The following LRMDA variants were observed in gnomAD, a reference collection of about 807,000 sequenced individuals.
LRMDA encodes leucine-rich melanocyte differentiation-associated protein.
A neutral mutation model predicts 29.8 loss-of-function variants in LRMDA; 18 were observed. That is an observed-to-expected ratio of 0.60 (90% CI 0.42 to 0.90). LRMDA has a LOEUF of 0.90. Ranked by LOEUF, LRMDA falls within the 40% of genes least tolerant of loss-of-function variation. LRMDA has a pLI of 0.00. For missense variants in LRMDA, 273 were observed against 273.9 expected, an observed-to-expected ratio of 1.00 and a Z score of 0.02; for synonymous variants, 125 against 109.4, an observed-to-expected ratio of 1.14 and a Z score of -0.89.
chr10:76,279,366 T>TATC lies in LRMDA; in HGVS notation c.517-45020_517-45018dup, dbSNP rs148532745. On this transcript the variant is annotated intron_variant, in intron 5 of 6. Coordinates refer to ENST00000611255, the MANE Select transcript of LRMDA (RefSeq NM_001305581.2). Reference sequence around the variant, plus strand: ...TAATACAGGCAAAAATGTTATCTGTTATCATCATCATCATCATTATTCTTT... The same window carrying TATC: ...TAATACAGGCAAAAATGTTATCTGTTATCATCATCATCATCATCATTATTCTTT... Among the ~76,000 whole-genome samples the TATC allele has an allele frequency of 3.3e-3, 496 of 152,204 alleles. 23 individuals carry two copies. The East Asian group carries it at 0.077, about 23-fold the overall frequency.
At position 76,505,620 on chromosome 10, in the gene LRMDA, G is replaced by T. The variant is rs192418836; in HGVS notation, c.602-51589G>T. 1.2e-3 allele frequency among the ~76,000 whole-genome samples: 182 copies of T among 152,038 alleles called. 1 individual carries two copies. In the South Asian group the frequency reaches 0.015, roughly 13 times the overall value. On this transcript the variant is annotated intron_variant, in intron 6 of 6. Transcript: ENST00000611255. ...TTTTCAATTCCAGAAGTTCAGTTTG[G>T]TTCTTTTTTGAAATGGCTATTTTGT...
At chr10:76,006,267 G>T (rs1427192336) in intron 2 of LRMDA, among the ~76,000 whole-genome samples, 1 of 152,126 alleles carries the variant, frequency 6.6e-6, no homozygotes. Flanking sequence ...CCTGTGCGGC[G>T]GCTGAGGGTG....
chr10:75,633,099 A>T (rs989603563), intron 2 of LRMDA, among the ~76,000 whole-genome samples: 1 of 152,090 alleles, frequency 6.6e-6, no homozygotes. Flanking sequence ...GAGTATTTAC[A>T]TATAGTCTGG....
At chr10:76,198,093 G>A (rs534089014) in intron 5 of LRMDA, among the ~76,000 whole-genome samples, 1 of 152,186 alleles carries the variant, frequency 6.6e-6, no homozygotes, top group South Asian at 2.1e-4. Context: ...GCTTTTCCAG[G>A]CCCTCTGTCA....
chr10:75,498,765 G>GC (rs1019270331), intron 2 of LRMDA, among the ~76,000 whole-genome samples: 16 of 152,130 alleles, frequency 1.1e-4, no homozygotes, highest in African/African-American at 3.6e-4. Context: ...AGAGGAATTA[G>GC]CACAGGGTGA....
At chr10:75,470,596 T>C (rs1280381896) in intron 2 of LRMDA, among the ~76,000 whole-genome samples, 1 of 152,208 alleles carries the variant, frequency 6.6e-6, no homozygotes. Flanking sequence ...AGATGTGGGC[T>C]GGGCCAGTGG....
chr10:76,324,628 C>A, intron 6 of LRMDA, 143 bp downstream of exon 6: 1 of 678,314 alleles, frequency 1.5e-6, no homozygotes, highest in Non-Finnish European at 2.5e-6. Flanking sequence ...CCATACCTGT[C>A]ACACGTAGTG....
Position 75,537,871 on chromosome 10 carries a change from CTATAG to C in LRMDA, c.131+99378_131+99382del, listed in dbSNP as rs1447686986. 2.6e-5 allele frequency among the ~76,000 whole-genome samples: 4 copies of C among 152,234 alleles called. No homozygotes were observed. The East Asian group carries it at 7.7e-4, about 29-fold the overall frequency. The stretch of plus-strand genomic sequence containing the variant: ...TTTGTGCTTGTCCTGTGTGTCCCCT[CTATAG>C]GATGCTCTTTCTGTCCTCCATCAAG... On this transcript the variant is annotated intron_variant, in intron 2 of 6. Transcript: ENST00000611255.
intron 2 of LRMDA, among the ~76,000 whole-genome samples, chr10:75,752,474 T>C (rs2132220831): frequency 6.6e-6 from 1 of 152,338 alleles, no homozygotes; most frequent in South Asian, 2.1e-4. Context: ...GATCCCAAAG[T>C]GCTGGGATTA....
At chr10:76,334,823 C>T (rs10762714) in intron 6 of LRMDA, among the ~76,000 whole-genome samples, 15,684 of 152,092 alleles carry the variant, frequency 0.1, 970 homozygotes, top group East Asian at 0.31. Flanking sequence ...TCATGAGAGC[C>T]GTAACATGTG....
At chr10:75,857,938 T>C (rs550551205) in intron 2 of LRMDA, among the ~76,000 whole-genome samples, 1 of 152,356 alleles carries the variant, frequency 6.6e-6, no homozygotes, top group African/African-American at 2.4e-5. Context: ...TTTAAGCAAG[T>C]TGTGTAGTTT....
At chr10:75,789,619 A>T (rs989044198) in intron 2 of LRMDA, among the ~76,000 whole-genome samples, 1 of 152,226 alleles carries the variant, frequency 6.6e-6, no homozygotes, top group African/African-American at 2.4e-5. Context: ...ATGACAATTC[A>T]GTTATGTTTC....
At chr10:76,279,814 A>C (rs1840180853) in intron 5 of LRMDA, among the ~76,000 whole-genome samples, 1 of 152,124 alleles carries the variant, frequency 6.6e-6, no homozygotes, top group Non-Finnish European at 1.5e-5. Context: ...TTGTTTTAAA[A>C]TGTTACATGT....
intron 5 of LRMDA, among the ~76,000 whole-genome samples, chr10:76,156,058 C>T (rs1850531665): frequency 6.6e-6 from 1 of 152,104 alleles, no homozygotes; most frequent in Non-Finnish European, 1.5e-5. Context: ...TCACTTTCTC[C>T]ATCTGTGCTG....
intron 2 of LRMDA, among the ~76,000 whole-genome samples, chr10:75,860,796 T>A (rs1421551224): frequency 6.6e-6 from 1 of 152,236 alleles, no homozygotes; most frequent in African/African-American, 2.4e-5. Context: ...CCCTAAGTTC[T>A]GTGGCCACAG....
chr10:76,000,954 C>T (rs908310732), intron 2 of LRMDA, among the ~76,000 whole-genome samples: 12 of 152,174 alleles, frequency 7.9e-5, no homozygotes, highest in Non-Finnish European at 1.0e-4. Flanking sequence ...GGCCCCCTCA[C>T]GTTGATTCAT....
intron 2 of LRMDA, among the ~76,000 whole-genome samples, chr10:75,514,250 C>T (rs1380533138): frequency 6.7e-6 from 1 of 150,320 alleles, no homozygotes; most frequent in Non-Finnish European, 1.5e-5. Context: ...CTTCCTCTTC[C>T]TTTCTTCTCC....
intron 2 of LRMDA, among the ~76,000 whole-genome samples, chr10:75,844,805 T>A (rs1288594732): frequency 4.6e-5 from 7 of 152,216 alleles, no homozygotes; most frequent in Admixed American, 2.6e-4. Flanking sequence ...TCATTTGACA[T>A]ACAGTAAATT....
chr10:75,646,539 T>G (rs1029530388), intron 2 of LRMDA, among the ~76,000 whole-genome samples: 4 of 152,244 alleles, frequency 2.6e-5, no homozygotes, highest in Non-Finnish European at 4.4e-5. Flanking sequence ...CCTCTGACAC[T>G]GACATATTAG....
Sources: gnomAD v4.1 joint callset for allele counts (sites outside exome capture counted in the v4.1 genomes callset) on GRCh38, gnomAD v4.1.1 for gene constraint, MANE v1.5 for transcripts, NCBI Gene and HGNC (gene_info 2026-07-23, HGNC 2026-07-21) for gene names.